The following UBE2E3 variants were observed in gnomAD, a reference collection of about 807,000 sequenced individuals.
The protein encoded by UBE2E3 is ubiquitin-conjugating enzyme E2 E3.
In UBE2E3, 5 loss-of-function variants were observed where a neutral mutation model predicts 23.6. The ratio of observed to expected loss-of-function variants is 0.21; its 90% CI spans 0.11 to 0.44. UBE2E3 has a LOEUF of 0.44. UBE2E3 is among the 20% of genes least tolerant of loss of function. UBE2E3 has a pLI of 0.99. For missense variants in UBE2E3, 81 were observed against 249.8 expected (o/e 0.32, Z 4.55); for synonymous variants, 78 against 87.5 (o/e 0.89, Z 0.60).
intron 3 of UBE2E3, among the ~76,000 whole-genome samples, chr2:181,021,294 T>C (rs2105625132): frequency 6.6e-6 from 1 of 152,200 alleles, no homozygotes; most frequent in South Asian, 2.1e-4. Flanking sequence ...TCTGTCTTTA[T>C]CCGAGTGTTA....
intron 3 of UBE2E3, among the ~76,000 whole-genome samples, chr2:181,005,440 A>G (rs977330453): frequency 6.6e-6 from 1 of 152,212 alleles, no homozygotes; most frequent in African/African-American, 2.4e-5. Flanking sequence ...CATTAATTCC[A>G]TTGGAAGCAT....
chr2:181,061,573 G>A (rs908532644), intron 5 of UBE2E3, among the ~76,000 whole-genome samples: 1 of 151,490 alleles, frequency 6.6e-6, no homozygotes, highest in Non-Finnish European at 1.5e-5. Context: ...GTTATATAAA[G>A]TGTAGTAGTA....
At chr2:181,001,519 T>A (rs1386846327) in intron 3 of UBE2E3, among the ~76,000 whole-genome samples, 1 of 152,104 alleles carries the variant, frequency 6.6e-6, no homozygotes, top group Non-Finnish European at 1.5e-5. Context: ...AGGGATGGAT[T>A]GATACAGCAC....
At chr2:181,037,965 C>T (rs1328676432) in intron 3 of UBE2E3, among the ~76,000 whole-genome samples, 4 of 152,156 alleles carry the variant, frequency 2.6e-5, no homozygotes, top group African/African-American at 9.7e-5. Flanking sequence ...CAGATCTTGT[C>T]TCTAAGCACA....
rs763671242 is a variant in UBE2E3, at chr2:181,057,852, G to A, written c.378+27G>A. On this transcript the variant is annotated intron_variant, in intron 4 of 5. Transcript: ENST00000410062. The stretch of plus-strand genomic sequence containing the variant: ...TAAGAAGCTTGAAGTGCATTCTTTA[G>A]TATTTAATCCTTCTCCTCTAAAATC... 7 of 1,604,756 alleles carry A rather than the reference G, an allele frequency of 4.4e-6. No homozygotes were observed. In the Admixed American group the frequency reaches 8.4e-5, roughly 19 times the overall value.
At chr2:181,033,911 A>C (rs1314928142) in intron 3 of UBE2E3, among the ~76,000 whole-genome samples, 2 of 152,174 alleles carry the variant, frequency 1.3e-5, no homozygotes, top group East Asian at 1.9e-4. Flanking sequence ...ATGCAGCCAA[A>C]AGACACATGA....
intron 3 of UBE2E3, among the ~76,000 whole-genome samples, chr2:181,019,432 C>G (rs1014618338): frequency 6.6e-6 from 1 of 152,180 alleles, no homozygotes; most frequent in Non-Finnish European, 1.5e-5. Flanking sequence ...TTTAAACTTT[C>G]AAAATTCAGT....
At chr2:181,018,040 G>A (rs781193655) in intron 3 of UBE2E3, among the ~76,000 whole-genome samples, 6 of 151,388 alleles carry the variant, frequency 4.0e-5, no homozygotes, top group Non-Finnish European at 5.9e-5. Flanking sequence ...TTTTGTTTTC[G>A]TTGTATTTTT....
At chr2:180,984,160 C>G in intron 3 of UBE2E3, 67 bp downstream of exon 3, 1 of 1,413,194 alleles carries the variant, frequency 7.1e-7, no homozygotes, top group Non-Finnish European at 9.9e-7. Context: ...GATGTATTGT[C>G]TGGATATGTG....
At chr2:181,035,541 G>A (rs1382373105) in intron 3 of UBE2E3, among the ~76,000 whole-genome samples, 1 of 152,092 alleles carries the variant, frequency 6.6e-6, no homozygotes, top group Non-Finnish European at 1.5e-5. Flanking sequence ...TAAAAAGCAT[G>A]CAATGCTAAG....
intron 3 of UBE2E3, among the ~76,000 whole-genome samples, chr2:181,041,705 GGATT>G (rs113399807): frequency 0.78 from 118,269 of 151,716 alleles, 46,362 homozygotes; most frequent in East Asian, 0.9. Context: ...CAGAGTGCTG[GGATT>G]GATTACAGGT....
At chr2:181,027,963 C>A (rs1685950927) in intron 3 of UBE2E3, among the ~76,000 whole-genome samples, 1 of 151,962 alleles carries the variant, frequency 6.6e-6, no homozygotes, top group South Asian at 2.1e-4. Context: ...AGCTTAAAAA[C>A]TAGATGGTAT....
chr2:181,039,444 A>G (rs953617572), intron 3 of UBE2E3, among the ~76,000 whole-genome samples: 1 of 152,022 alleles, frequency 6.6e-6, no homozygotes, highest in African/African-American at 2.4e-5. Context: ...TTATAACTAG[A>G]ATGCCTGTGG....
chr2:180,993,768 C>G (rs778452759), intron 3 of UBE2E3, among the ~76,000 whole-genome samples: 2 of 152,140 alleles, frequency 1.3e-5, no homozygotes, highest in Non-Finnish European at 2.9e-5. Flanking sequence ...CGAAGAGAAT[C>G]GATCTCAGAA....
intron 3 of UBE2E3, among the ~76,000 whole-genome samples, chr2:181,022,103 G>A (rs960633016): frequency 2.6e-5 from 4 of 152,122 alleles, no homozygotes; most frequent in Admixed American, 2.0e-4. Context: ...AGTAATATTG[G>A]AAAGTAAATG....
At chr2:181,034,575 T>C (rs1247919375) in intron 3 of UBE2E3, among the ~76,000 whole-genome samples, 2 of 152,088 alleles carry the variant, frequency 1.3e-5, no homozygotes, top group Non-Finnish European at 2.9e-5. Context: ...ACACCTAATG[T>C]AAATGACAAG....
At chr2:181,047,119 A>G (rs1222754636) in intron 3 of UBE2E3, among the ~76,000 whole-genome samples, 1 of 152,186 alleles carries the variant, frequency 6.6e-6, no homozygotes, top group Non-Finnish European at 1.5e-5. Flanking sequence ...CCACATGACT[A>G]GATGACGTCT....
intron 3 of UBE2E3, among the ~76,000 whole-genome samples, chr2:180,991,167 T>C (rs1684644403): frequency 1.3e-5 from 2 of 152,108 alleles, no homozygotes; most frequent in Admixed American, 6.5e-5. Context: ...TTCTTTTTTT[T>C]CAGAGTTTTG....
chr2:180,981,656 T>C (rs1052900989), intron 1 of UBE2E3, among the ~76,000 whole-genome samples: 3 of 152,216 alleles, frequency 2.0e-5, no homozygotes, highest in Non-Finnish European at 2.9e-5. Flanking sequence ...TTAGTGACTT[T>C]TAAACATTTT....
Sources: allele counts gnomAD v4.1 joint callset (sites outside exome capture counted in the v4.1 genomes callset), GRCh38; gene constraint gnomAD v4.1.1; transcripts MANE v1.5; gene names NCBI Gene and HGNC (gene_info 2026-07-23, HGNC 2026-07-21).